The following TVP23A variants were observed in gnomAD, a reference collection of about 807,000 sequenced individuals.
TVP23A encodes trans-golgi network vesicle protein 23 homolog A, also known as Golgi apparatus membrane protein TVP23 homolog A.
Under a neutral mutation model 31.7 loss-of-function variants are expected in TVP23A, and 21 were observed. The observed-to-expected ratio is 0.66, with a 90% confidence interval of 0.47 to 0.95. TVP23A has a LOEUF of 0.95. Ranked by LOEUF, TVP23A falls within the 40% of genes least tolerant of loss-of-function variation. TVP23A has a pLI of 0.00. For missense variants in TVP23A, 279 were observed against 255.6 expected (o/e 1.09, Z -0.62); for synonymous variants, 104 against 96.0 (o/e 1.08, Z -0.49).
In TVP23A at chr16:10,817,069, G is replaced by A. The variant is rs149100971; in HGVS notation, c.89+1034C>T. ...AGAATGCCAGCAGTCACCAAAAGCT[G>A]GAAAAGGCAAAGAATGGATTTTCCC... is the stretch of plus-strand genomic sequence containing the variant. On this transcript the variant is annotated intron_variant, in intron 2 of 7. Coordinates refer to ENST00000299866, the MANE Select transcript of TVP23A (RefSeq NM_001079512.4). 4.6e-3 allele frequency among the ~76,000 whole-genome samples: 706 copies of A among 152,132 alleles called. 1 individual carries two copies. Among genetic ancestry groups the A allele is most frequent in the African/African-American group, 7.9e-3 (327 of 41,502 alleles).
chr16:10,808,277 C>CAG (rs2034035086), intron 2 of TVP23A, among the ~76,000 whole-genome samples: 2 of 152,170 alleles, frequency 1.3e-5, no homozygotes, highest in Non-Finnish European at 2.9e-5. Flanking sequence ...GGCTCATGTC[C>CAG]AGGACTGCTT....
chr16:10,808,347 G>A (rs552617190), intron 2 of TVP23A, among the ~76,000 whole-genome samples: 2 of 152,136 alleles, frequency 1.3e-5, no homozygotes, highest in Admixed American at 1.3e-4. Context: ...AAAGTTACTT[G>A]ATTGGCTAGT....
intron 2 of TVP23A, among the ~76,000 whole-genome samples, chr16:10,780,957 C>G (rs577524982): frequency 1.3e-5 from 2 of 152,224 alleles, no homozygotes; most frequent in Admixed American, 1.3e-4. Context: ...CCCAGATGAA[C>G]CTTCATCATG....
chr16:10,802,591 C>T (rs2033755146), intron 2 of TVP23A, among the ~76,000 whole-genome samples: 1 of 152,076 alleles, frequency 6.6e-6, no homozygotes, highest in Admixed American at 6.6e-5. Flanking sequence ...ATTAGTGAAT[C>T]TTGGTAAAAT....
chr16:10,797,719 C>G (rs1253213219), intron 2 of TVP23A, among the ~76,000 whole-genome samples: 2 of 150,952 alleles, frequency 1.3e-5, no homozygotes, highest in African/African-American at 2.4e-5. Flanking sequence ...GATACTGTCT[C>G]TAAAAAAAAA....
rs1368971510 is a variant in TVP23A, at chr16:10,807,138, T to A, written c.89+10965A>T. Among the ~76,000 whole-genome samples the A allele has an allele frequency of 8.5e-5, 13 of 152,238 alleles. No individual in the cohort carries two copies. The South Asian group carries it at 2.7e-3, about 32-fold the overall frequency. On this transcript the variant is annotated intron_variant, in intron 2 of 7. Transcript: ENST00000299866. ...AGGGGACAGGGGTCTGGATAAGGGG[T>A]CCTCACTCATTGAGGTGAGCAGAAC... is the stretch of plus-strand genomic sequence containing the variant.
chr16:10,808,618 AAAAAT>A, intron 2 of TVP23A: 1 of 449,542 alleles, frequency 2.2e-6, no homozygotes, highest in Non-Finnish European at 4.5e-6. Flanking sequence ...TACAAAAAAT[AAAAAT>A]AAAATTAGCA....
At position 10,775,098 on chromosome 16, in the gene TVP23A, T is replaced by C. The variant is rs757532837; in HGVS notation, c.90-2A>G. The C allele has an allele frequency of 1.2e-6, 2 of 1,605,790 alleles. No homozygotes were observed. The highest frequency in any genetic ancestry group is 3.4e-5 in the Admixed American group (2 of 58,744). On this transcript the variant is annotated splice_acceptor_variant, in intron 2 of 7. Transcript: ENST00000299866. LOFTEE classifies it high-confidence loss of function. ...TGGAAAAAGGTGGCCAAGGGGTGTC[T>C]AGGAAAGGACCCAGAAGGCGCCCTC...
intron 2 of TVP23A, chr16:10,808,428 C>T (rs146630711): frequency 2.3e-6 from 1 of 433,182 alleles, no homozygotes; most frequent in African/African-American, 2.0e-5. Flanking sequence ...CATGTGATTT[C>T]CTGTAGTGTC....
intron 2 of TVP23A, 127 bp downstream of exon 2, chr16:10,817,976 A>G: frequency 2.5e-6 from 2 of 806,016 alleles, no homozygotes; most frequent in South Asian, 1.6e-5. Flanking sequence ...TGATGTGTCC[A>G]CAGATATGTC....
chr16:10,771,548 A>C, intron 6 of TVP23A, 122 bp downstream of exon 6: 3 of 1,303,910 alleles, frequency 2.3e-6, no homozygotes, highest in South Asian at 2.7e-5. Flanking sequence ...AAAAATATAT[A>C]AACAATAAAA....
chr16:10,814,674 G>A (rs1451482658), intron 2 of TVP23A, among the ~76,000 whole-genome samples: 1 of 152,204 alleles, frequency 6.6e-6, no homozygotes, highest in Non-Finnish European at 1.5e-5. Flanking sequence ...ACAGCCACAT[G>A]TGGCTATTTA....
chr16:10,759,289 G>T (rs1007551140), downstream of TVP23A, among the ~76,000 whole-genome samples: 1 of 152,192 alleles, frequency 6.6e-6, no homozygotes, highest in Non-Finnish European at 1.5e-5. This position sits in a 1 kb window ranked among gnomAD's most constrained non-coding sequence, Gnocchi z 4.7. Flanking sequence ...GCCATGGGAA[G>T]GGTGTCCGGG....
At position 10,774,937 on chromosome 16, in the gene TVP23A, A is replaced by G. The variant is rs2031895554; in HGVS notation, c.234+15T>C. 2.5e-6 allele frequency: 4 copies of G among 1,610,482 alleles called. No homozygotes were observed. The highest frequency in any genetic ancestry group is 3.4e-6 in the Non-Finnish European group (4 of 1,177,744). On this transcript the variant is annotated intron_variant, in intron 3 of 7. Transcript: ENST00000299866. ...CGTGTTTCGGAAGTGATGACATCAC[A>G]CGAAAGGGCCTCACCTTCACAGACC...
intron 2 of TVP23A, among the ~76,000 whole-genome samples, chr16:10,813,294 G>A (rs996777777): frequency 6.6e-6 from 1 of 152,218 alleles, no homozygotes; most frequent in Admixed American, 6.5e-5. Context: ...GCCAGAAAGT[G>A]ATAAAGGAAG....
At chr16:10,805,818 A>C (rs1238239906) in intron 2 of TVP23A, among the ~76,000 whole-genome samples, 1 of 152,120 alleles carries the variant, frequency 6.6e-6, no homozygotes, top group East Asian at 1.9e-4. Flanking sequence ...CTTGGCACAC[A>C]AAGGTCCTTG....
chr16:10,811,941 G>A lies in TVP23A; in HGVS notation c.89+6162C>T, dbSNP rs559498477. ...AAAAAAAAAGTACAAAAAGGCAAAC[G>A]GAATTACATTAAACCTAAAAACTTT... On this transcript the variant is annotated intron_variant, in intron 2 of 7. Transcript: ENST00000299866. Among the ~76,000 whole-genome samples, 9 of 148,938 alleles carry A rather than the reference G, an allele frequency of 6.0e-5. No individual in the cohort carries two copies. The South Asian group carries it at 1.7e-3, about 28-fold the overall frequency.
Position 10,802,276 on chromosome 16 carries a change from G to A in TVP23A, c.89+15827C>T, listed in dbSNP as rs868783199. Among the ~76,000 whole-genome samples the A allele has an allele frequency of 6.2e-5, 7 of 113,440 alleles. No homozygotes were observed. In the South Asian group the frequency reaches 9.2e-4, roughly 15 times the overall value. 74.4% of individuals were successfully genotyped at this position (113,440 alleles called of 152,430 possible). ...TGTGTGTGTGTGTGTGTGTGTGTGT[G>A]TGTGTGTGTATATGTGTGTGTGTGT... On this transcript the variant is annotated intron_variant, in intron 2 of 7. Transcript: ENST00000299866.
At chr16:10,778,826 C>A (rs936737522) in intron 2 of TVP23A, among the ~76,000 whole-genome samples, 1 of 151,918 alleles carries the variant, frequency 6.6e-6, no homozygotes, top group Admixed American at 6.6e-5. Flanking sequence ...ATTAGCCAGG[C>A]CTGATGGCAG....
Sources: allele counts gnomAD v4.1 joint callset (sites outside exome capture counted in the v4.1 genomes callset), GRCh38; gene constraint gnomAD v4.1.1; non-coding constraint Gnocchi (gnomAD v3.1); transcripts MANE v1.5; gene names NCBI Gene and HGNC (gene_info 2026-07-23, HGNC 2026-07-21).